The following PLXDC2 variants were observed in gnomAD, a reference collection of about 807,000 sequenced individuals.
The protein encoded by PLXDC2 is plexin domain-containing protein 2.
A neutral mutation model predicts 68.9 loss-of-function variants in PLXDC2; 40 were observed. The observed-to-expected ratio is 0.58, with a 90% CI of 0.45 to 0.76. The LOEUF (loss-of-function observed/expected upper bound fraction) is 0.76, where lower values mean the gene tolerates loss of function less well. Ranked by LOEUF, PLXDC2 falls within the 30% of genes least tolerant of loss-of-function variation. PLXDC2 has a pLI of 0.00. For synonymous variants in PLXDC2, 243 were observed against 234.2 expected (o/e 1.04, Z -0.34); for missense variants, 644 against 661.9 (o/e 0.97, Z 0.30).
At chr10:20,124,505 T>G (rs930965314) in intron 4 of PLXDC2, among the ~76,000 whole-genome samples, 4 of 151,438 alleles carry the variant, frequency 2.6e-5, no homozygotes, top group African/African-American at 9.7e-5. Flanking sequence ...TCAAGGGAGG[T>G]CCCCCAATCC....
chr10:20,217,286 T>A, intron 10 of PLXDC2, 140 bp from the exon 11 acceptor site: 1 of 653,154 alleles, frequency 1.5e-6, no homozygotes, highest in Non-Finnish European at 2.4e-6. Context: ...AAATCATTAA[T>A]ATAGTCTTGT....
intron 4 of PLXDC2, among the ~76,000 whole-genome samples, chr10:20,097,055 T>C (rs1262648392): frequency 6.6e-6 from 1 of 152,166 alleles, no homozygotes; most frequent in Admixed American, 6.6e-5. Context: ...GTTTTCTTAT[T>C]GTGCCTTGGG....
At chr10:20,186,502 T>C (rs1490495869) in intron 9 of PLXDC2, among the ~76,000 whole-genome samples, 1 of 151,848 alleles carries the variant, frequency 6.6e-6, no homozygotes, top group Non-Finnish European at 1.5e-5. Flanking sequence ...ATGTGGATTA[T>C]TTTGTCATCC....
intron 4 of PLXDC2, among the ~76,000 whole-genome samples, chr10:20,135,866 A>G (rs1048144421): frequency 5.9e-5 from 9 of 152,220 alleles, no homozygotes; most frequent in African/African-American, 2.2e-4. Context: ...TTTTGTATAC[A>G]AAATCTATTT....
rs1836569074 is a variant in PLXDC2 at position 20,082,045 on chromosome 10, G to GGAAAA, written c.541+13806_541+13807insGAAAA. Among the ~76,000 whole-genome samples, 2 of 9,614 alleles carry GGAAAA rather than the reference G, an allele frequency of 2.1e-4. 1 individual carries two copies. Among genetic ancestry groups the GGAAAA allele is most frequent in the African/African-American group, 1.2e-3 (2 of 1,690 alleles). The allele number at this position is 9,614 out of a possible 152,430, so 6.3% of individuals were successfully genotyped here. A position where few individuals can be genotyped will look rare whatever the true frequency, so the allele number is the denominator to read the frequency against. On this transcript the variant is annotated intron_variant, in intron 4 of 13. Transcript: ENST00000377252. ...AAGTGACAAGAGTGAAACTCCATCTGAAAAAAAAAAAAAAAAATCAAAAAA... is the reference window on the plus strand; with the variant it reads ...AAGTGACAAGAGTGAAACTCCATCTGGAAAAAAAAAAAAAAAAAAAAATCAAAAAA...
intron 1 of PLXDC2, among the ~76,000 whole-genome samples, chr10:19,859,019 CGAGAGAGAGA>C (rs60326474): frequency 2.6e-3 from 345 of 131,036 alleles, no homozygotes; most frequent in African/African-American, 8.8e-3. Context: ...AGAAAAGCAG[CGAGAGAGAGA>C]GAGAGAGAGA....
intron 2 of PLXDC2, among the ~76,000 whole-genome samples, chr10:20,044,069 A>G (rs1388476107): frequency 9.9e-6 from 1 of 101,010 alleles, no homozygotes; most frequent in Non-Finnish European, 2.2e-5. Context: ...ATCTAGATAG[A>G]CTTGCGCAGG....
intron 3 of PLXDC2, among the ~76,000 whole-genome samples, chr10:20,067,354 C>G (rs1468021032): frequency 6.6e-6 from 1 of 151,986 alleles, no homozygotes; most frequent in African/African-American, 2.4e-5. Flanking sequence ...ACACAATATG[C>G]TAAATTTGGA....
At chr10:20,100,942 C>T (rs12263700) in intron 4 of PLXDC2, among the ~76,000 whole-genome samples, 39,533 of 151,854 alleles carry the variant, frequency 0.26, 6,715 homozygotes, top group African/African-American at 0.47. Context: ...AAATGACAAT[C>T]ACCATATTAT....
chr10:20,017,526 G>A (rs1340656781), intron 2 of PLXDC2, among the ~76,000 whole-genome samples: 3 of 152,088 alleles, frequency 2.0e-5, no homozygotes, highest in South Asian at 2.1e-4. Flanking sequence ...TGAAGAAACC[G>A]AATTCCAGTT....
intron 3 of PLXDC2, among the ~76,000 whole-genome samples, chr10:20,048,641 T>C (rs893283449): frequency 2.0e-4 from 30 of 152,282 alleles, no homozygotes; most frequent in African/African-American, 7.2e-4. Context: ...CTAGTCCTAG[T>C]GTCAGCCACT....
intron 1 of PLXDC2, among the ~76,000 whole-genome samples, chr10:19,827,388 T>C (rs1201096829): frequency 6.6e-6 from 1 of 152,158 alleles, no homozygotes; most frequent in Non-Finnish European, 1.5e-5. Flanking sequence ...AGAATAAACA[T>C]TTCAGATTTT....
chr10:19,988,783 T>G (rs913855861), intron 1 of PLXDC2, among the ~76,000 whole-genome samples: 2 of 65,304 alleles, frequency 3.1e-5, no homozygotes, highest in African/African-American at 9.7e-5. Context: ...CCACTTTTTT[T>G]TTTTTTTTTT....
At chr10:20,161,411 C>T (rs540191151) in intron 6 of PLXDC2, among the ~76,000 whole-genome samples, 10 of 149,918 alleles carry the variant, frequency 6.7e-5, no homozygotes, top group African/African-American at 2.4e-4. Flanking sequence ...AGCAAGGGTC[C>T]AAGAAAGGAA....
chr10:19,899,259 C>G (rs1838118982), intron 1 of PLXDC2, among the ~76,000 whole-genome samples: 1 of 152,120 alleles, frequency 6.6e-6, no homozygotes, highest in South Asian at 2.1e-4. Context: ...TTGCATTACA[C>G]TTATGTAAAA....
At chr10:19,844,561 C>T (rs1489078652) in intron 1 of PLXDC2, among the ~76,000 whole-genome samples, 1 of 151,608 alleles carries the variant, frequency 6.6e-6, no homozygotes, top group Non-Finnish European at 1.5e-5. Flanking sequence ...CTTTTCTTTT[C>T]TTTCCTCCGT....
chr10:20,262,570 C>T (rs1402132897), intron 13 of PLXDC2, among the ~76,000 whole-genome samples: 1 of 152,162 alleles, frequency 6.6e-6, no homozygotes, highest in Non-Finnish European at 1.5e-5. Flanking sequence ...CAACCTGGGA[C>T]AGAAGGAATA....
chr10:19,892,416 G>T (rs776442631), intron 1 of PLXDC2, among the ~76,000 whole-genome samples: 1 of 152,108 alleles, frequency 6.6e-6, no homozygotes, highest in African/African-American at 2.4e-5. Context: ...CACACTACCC[G>T]CCCAGTGCTG....
chr10:20,193,539 T>C (rs1195753265), intron 9 of PLXDC2, among the ~76,000 whole-genome samples: 1 of 151,964 alleles, frequency 6.6e-6, no homozygotes, highest in Non-Finnish European at 1.5e-5. Context: ...TTGATGGGTG[T>C]TATAAATGGA....
Sources: gnomAD v4.1 joint callset for allele counts (sites outside exome capture counted in the v4.1 genomes callset) on GRCh38, gnomAD v4.1.1 for gene constraint, MANE v1.5 for transcripts, NCBI Gene and HGNC (gene_info 2026-07-23, HGNC 2026-07-21) for gene names.